The following PDGFD variants were observed in gnomAD, a reference collection of about 807,000 sequenced individuals.
PDGFD encodes platelet derived growth factor D, also known as platelet-derived growth factor D.
Under a neutral mutation model 44.7 loss-of-function variants are expected in PDGFD, and 30 were observed. The observed-to-expected ratio is 0.67, with a 90% CI of 0.50 to 0.91. PDGFD has a LOEUF of 0.91. PDGFD is among the 40% of genes least tolerant of loss of function. PDGFD has a pLI of 0.00. For synonymous variants in PDGFD, 173 were observed against 168.4 expected (o/e 1.03, Z -0.21); for missense variants, 445 against 457.8 (o/e 0.97, Z 0.25).
intron 1 of PDGFD, among the ~76,000 whole-genome samples, chr11:104,141,798 G>C (rs548208575): frequency 8.5e-5 from 13 of 152,110 alleles, no homozygotes; most frequent in Non-Finnish European, 1.9e-4. Context: ...GCCAAGAGCA[G>C]GTAACAGGCC....
chr11:104,060,252 A>G (rs892413590), intron 1 of PDGFD, among the ~76,000 whole-genome samples: 14 of 152,146 alleles, frequency 9.2e-5, no homozygotes, highest in Non-Finnish European at 1.9e-4. Flanking sequence ...CAGATCAGCA[A>G]CTCAGAGAGG....
At chr11:103,975,570 C>T (rs1231554412) in intron 3 of PDGFD, among the ~76,000 whole-genome samples, 1 of 152,152 alleles carries the variant, frequency 6.6e-6, no homozygotes, top group Non-Finnish European at 1.5e-5. Context: ...TTTGCCCATG[C>T]CCATGTCCTG....
intron 1 of PDGFD, chr11:104,037,894 A>T (rs1203382952): frequency 2.5e-6 from 4 of 1,614,052 alleles, no homozygotes; most frequent in Non-Finnish European, 3.4e-6. Context: ...TGGCACGCAG[A>T]CTTATTTTCT....
At chr11:103,954,591 C>T (rs1223626429) in intron 3 of PDGFD, among the ~76,000 whole-genome samples, 1 of 152,172 alleles carries the variant, frequency 6.6e-6, no homozygotes, top group Non-Finnish European at 1.5e-5. Flanking sequence ...TCAAATAAAA[C>T]AATCTTTAAC....
At chr11:104,025,259 C>A (rs2134385183) in intron 1 of PDGFD, among the ~76,000 whole-genome samples, 1 of 152,314 alleles carries the variant, frequency 6.6e-6, no homozygotes, top group East Asian at 1.9e-4. Flanking sequence ...ATAGGACATG[C>A]AGAATTAATA....
At chr11:104,128,760 G>A (rs1861875579) in intron 1 of PDGFD, among the ~76,000 whole-genome samples, 1 of 152,074 alleles carries the variant, frequency 6.6e-6, no homozygotes, top group Non-Finnish European at 1.5e-5. Context: ...TACCTACCTG[G>A]AAGATTTACT....
At chr11:104,053,477 T>C (rs1220482658) in intron 1 of PDGFD, among the ~76,000 whole-genome samples, 2 of 152,252 alleles carry the variant, frequency 1.3e-5, no homozygotes, top group Non-Finnish European at 2.9e-5. Flanking sequence ...AAACAGCTTC[T>C]AGAATATATT....
intron 1 of PDGFD, among the ~76,000 whole-genome samples, chr11:104,022,385 G>A (rs578076557): frequency 5.3e-5 from 8 of 152,244 alleles, no homozygotes; most frequent in African/African-American, 1.2e-4. Flanking sequence ...ATTAATTTAC[G>A]TAGACTCTGT....
At chr11:103,992,741 A>T (rs529924818) in intron 3 of PDGFD, among the ~76,000 whole-genome samples, 31 of 152,372 alleles carry the variant, frequency 2.0e-4, no homozygotes, top group Middle Eastern at 3.4e-3. Flanking sequence ...GTTATCCATT[A>T]GTCTCCACAG....
intron 3 of PDGFD, among the ~76,000 whole-genome samples, chr11:103,972,326 T>TTGCCCAA (rs2051124806): frequency 6.6e-6 from 1 of 152,134 alleles, no homozygotes; most frequent in Non-Finnish European, 1.5e-5. Flanking sequence ...TTTCCAGATA[T>TTGCCCAA]TGCCCAATAT....
chr11:104,146,162 TAC>T (rs1862159527), intron 1 of PDGFD, among the ~76,000 whole-genome samples: 1 of 152,214 alleles, frequency 6.6e-6, no homozygotes, highest in Non-Finnish European at 1.5e-5. Flanking sequence ...ATTAACTATT[TAC>T]AGACACAACT....
intron 1 of PDGFD, among the ~76,000 whole-genome samples, chr11:104,159,043 C>T (rs1024511493): frequency 2.0e-5 from 3 of 150,478 alleles, no homozygotes; most frequent in Admixed American, 6.7e-5. Context: ...GTCCCAGCTA[C>T]TCGGGAGGCT....
chr11:104,106,109 G>C (rs1353459062), intron 1 of PDGFD, among the ~76,000 whole-genome samples: 1 of 152,080 alleles, frequency 6.6e-6, no homozygotes, highest in Non-Finnish European at 1.5e-5. Flanking sequence ...TTATATTTCT[G>C]AACTGAGGAG....
chr11:104,149,009 T>C (rs1350019742), intron 1 of PDGFD, among the ~76,000 whole-genome samples: 6 of 152,184 alleles, frequency 3.9e-5, no homozygotes, highest in Non-Finnish European at 7.4e-5. Context: ...ATGTGGTTAC[T>C]AAAAATCTTT....
intron 1 of PDGFD, among the ~76,000 whole-genome samples, chr11:104,063,618 C>T (rs1462635812): frequency 2.6e-5 from 4 of 152,128 alleles, no homozygotes; most frequent in Admixed American, 2.6e-4. Context: ...TAGTTGACCA[C>T]AGTGCCACAT....
intron 1 of PDGFD, among the ~76,000 whole-genome samples, chr11:104,087,809 C>A (rs1861155049): frequency 6.6e-6 from 1 of 152,166 alleles, no homozygotes; most frequent in Non-Finnish European, 1.5e-5. Context: ...GTGTTAATTA[C>A]TTGTTTTAAA....
At chr11:104,092,797 G>A (rs1452660861) in intron 1 of PDGFD, among the ~76,000 whole-genome samples, 1 of 152,158 alleles carries the variant, frequency 6.6e-6, no homozygotes, top group African/African-American at 2.4e-5. Flanking sequence ...AAAATCAGTA[G>A]TGATTACCCA....
intron 3 of PDGFD, among the ~76,000 whole-genome samples, chr11:103,991,718 T>C (rs1287130096): frequency 6.6e-6 from 1 of 152,246 alleles, no homozygotes; most frequent in Non-Finnish European, 1.5e-5. Flanking sequence ...ATTAATAATA[T>C]GGCCAGTGAT....
intron 1 of PDGFD, among the ~76,000 whole-genome samples, chr11:104,133,290 T>C (rs1861951000): frequency 6.6e-6 from 1 of 152,170 alleles, no homozygotes; most frequent in African/African-American, 2.4e-5. Flanking sequence ...AAATAACAAA[T>C]TTAAAATTAG....
Sources: allele counts gnomAD v4.1 joint callset (sites outside exome capture counted in the v4.1 genomes callset), GRCh38; gene constraint gnomAD v4.1.1; transcripts MANE v1.5; gene names NCBI Gene and HGNC (gene_info 2026-07-23, HGNC 2026-07-21).